The following RPS6KC1 variants were observed in gnomAD, a reference collection of about 807,000 sequenced individuals.
The protein encoded by RPS6KC1 is inactive ribosomal protein S6 kinase delta-1.
Under a neutral mutation model 103.8 loss-of-function variants are expected in RPS6KC1, and 54 were observed. The observed-to-expected ratio is 0.52, with a 90% CI of 0.42 to 0.65. RPS6KC1 has a LOEUF of 0.65. RPS6KC1 is among the 30% of genes least tolerant of loss of function. The probability of loss-of-function intolerance (pLI) is 0.00; values close to 1 mark genes in which losing one functional copy is unlikely to be tolerated. For synonymous variants in RPS6KC1, 439 were observed against 438.7 expected, an observed-to-expected ratio of 1.00 and a Z score of -0.01; for missense variants, 1,151 against 1,253.8, an observed-to-expected ratio of 0.92 and a Z score of 1.24.
At chr1:213,642,985 T>C in the RPS6KC1 span, among the ~76,000 whole-genome samples, 2 of 151,914 alleles carry the variant, frequency 1.3e-5, no homozygotes, top group East Asian at 1.9e-4. Context: ...TTCCCATATA[T>C]ATATAGTGCT....
the RPS6KC1 span, among the ~76,000 whole-genome samples, chr1:213,599,957 G>C: frequency 6.6e-6 from 1 of 152,152 alleles, no homozygotes; most frequent in Non-Finnish European, 1.5e-5. Context: ...ACATGTCCAG[G>C]GAGGGACCTG....
chr1:213,489,755 C>T, the RPS6KC1 span, among the ~76,000 whole-genome samples: 8 of 152,040 alleles, frequency 5.3e-5, no homozygotes, highest in South Asian at 2.1e-4. Flanking sequence ...AAAGGCATGT[C>T]GGGCAAAAAA....
chr1:213,751,598 C>G, the RPS6KC1 span, among the ~76,000 whole-genome samples: 25 of 152,108 alleles, frequency 1.6e-4, 1 homozygote, highest in Admixed American at 1.4e-3. Context: ...GCCTGGAAGA[C>G]AGTAACAGAG....
the RPS6KC1 span, among the ~76,000 whole-genome samples, chr1:213,743,958 A>G: frequency 6.6e-6 from 1 of 152,240 alleles, no homozygotes; most frequent in Admixed American, 6.5e-5. Flanking sequence ...ATAAAAGGGA[A>G]CAAAATAATG....
chr1:213,394,132 GT>G, the RPS6KC1 span, among the ~76,000 whole-genome samples: 1 of 152,110 alleles, frequency 6.6e-6, no homozygotes, highest in Non-Finnish European at 1.5e-5. Flanking sequence ...AGAGTCCGAA[GT>G]TCTGTCCTGG....
At chr1:213,215,375 A>T (rs557265758) in intron 8 of RPS6KC1, among the ~76,000 whole-genome samples, 1 of 152,378 alleles carries the variant, frequency 6.6e-6, no homozygotes, top group Admixed American at 6.5e-5. Flanking sequence ...ATGTGGGACT[A>T]TGGGAAAAGA....
At chr1:213,568,519 TG>T in the RPS6KC1 span, among the ~76,000 whole-genome samples, 1 of 152,180 alleles carries the variant, frequency 6.6e-6, no homozygotes, top group Non-Finnish European at 1.5e-5. Context: ...CAATAGAAGA[TG>T]GAGCAGCTTA....
chr1:213,119,739 G>T (rs150211239), intron 5 of RPS6KC1, among the ~76,000 whole-genome samples: 1 of 151,994 alleles, frequency 6.6e-6, no homozygotes, highest in African/African-American at 2.4e-5. Flanking sequence ...GTTCTTTGCT[G>T]TAGTCTAGGC....
At position 213,272,652 on chromosome 1, in the gene RPS6KC1, C is replaced by A; in HGVS notation, c.*18C>A. 1.3e-6 allele frequency: 2 copies of A among 1,555,458 alleles called. No individual in the cohort carries two copies. Among genetic ancestry groups the A allele is most frequent in the Non-Finnish European group, 1.8e-6 (2 of 1,126,660 alleles). On this transcript the variant is annotated 3_prime_UTR_variant, in exon 15 of 15. Coordinates refer to ENST00000366960, the MANE Select transcript of RPS6KC1 (RefSeq NM_012424.6). Reference sequence around the variant, plus strand: ...TGAGATGAACGTAATGCAGGGTTATCTTCACACATTCTGATCTTCTCTGTG... The same window carrying A: ...TGAGATGAACGTAATGCAGGGTTATATTCACACATTCTGATCTTCTCTGTG...
the RPS6KC1 span, among the ~76,000 whole-genome samples, chr1:213,688,426 A>G: frequency 1.3e-5 from 2 of 152,282 alleles, no homozygotes; most frequent in East Asian, 3.9e-4. Context: ...CTGATCTTTC[A>G]GTTCCCACAG....
intron 8 of RPS6KC1, among the ~76,000 whole-genome samples, chr1:213,210,043 T>G (rs1186672252): frequency 6.6e-6 from 1 of 151,956 alleles, no homozygotes; most frequent in Non-Finnish European, 1.5e-5. Flanking sequence ...TTTTGGTGGG[T>G]TTTGGTTGGC....
intron 8 of RPS6KC1, among the ~76,000 whole-genome samples, chr1:213,222,236 G>A (rs541722024): frequency 6.6e-6 from 1 of 152,270 alleles, no homozygotes; most frequent in South Asian, 2.1e-4. Flanking sequence ...TGAAACATTG[G>A]TAAGGCTCCA....
At chr1:213,444,731 T>G in the RPS6KC1 span, among the ~76,000 whole-genome samples, 1 of 56,660 alleles carries the variant, frequency 1.8e-5, no homozygotes, top group African/African-American at 7.2e-5. Context: ...GCAACAAGAG[T>G]GAAACTCCAA....
At chr1:213,218,126 C>T (rs1373414744) in intron 8 of RPS6KC1, among the ~76,000 whole-genome samples, 1 of 152,280 alleles carries the variant, frequency 6.6e-6, no homozygotes, top group South Asian at 2.1e-4. Context: ...TAGAAAACCC[C>T]ATTGTCTCAG....
chr1:213,738,060 C>G, the RPS6KC1 span, among the ~76,000 whole-genome samples: 10 of 152,302 alleles, frequency 6.6e-5, no homozygotes, highest in South Asian at 2.1e-3. Context: ...TGCAATAGGG[C>G]CTCACTTCCC....
At chr1:213,192,523 AC>A in intron 8 of RPS6KC1, among the ~76,000 whole-genome samples, 1 of 151,856 alleles carries the variant, frequency 6.6e-6, no homozygotes, top group Non-Finnish European at 1.5e-5. Context: ...TTGCTAGGAG[AC>A]TTTTTATTAT....
chr1:213,209,974 A>ATAATTAGTG (rs1316589373), intron 8 of RPS6KC1, among the ~76,000 whole-genome samples: 1 of 152,156 alleles, frequency 6.6e-6, no homozygotes, highest in Admixed American at 6.5e-5. Context: ...CTAATGCATT[A>ATAATTAGTG]TAATTAGTGT....
chr1:213,645,258 TG>T, the RPS6KC1 span, among the ~76,000 whole-genome samples: 1 of 152,112 alleles, frequency 6.6e-6, no homozygotes, highest in South Asian at 2.1e-4. Flanking sequence ...TTTTTGTTTT[TG>T]ATCTTGTGTT....
At chr1:213,623,902 G>A in the RPS6KC1 span, among the ~76,000 whole-genome samples, 1 of 152,206 alleles carries the variant, frequency 6.6e-6, no homozygotes, top group East Asian at 1.9e-4. Flanking sequence ...TGCCCGAGAT[G>A]TCGCACTGGG....
Sources: gnomAD v4.1 joint callset for allele counts (sites outside exome capture counted in the v4.1 genomes callset) on GRCh38, gnomAD v4.1.1 for gene constraint, MANE v1.5 for transcripts, NCBI Gene and HGNC (gene_info 2026-07-23, HGNC 2026-07-21) for gene names.